Variants in CRHBP observed in about 807,000 individuals in gnomAD.
The protein encoded by CRHBP is corticotropin releasing hormone binding protein.
In CRHBP, 19 loss-of-function variants were observed where a neutral mutation model predicts 34.9. The ratio of observed to expected loss-of-function variants is 0.55; its 90% CI spans 0.38 to 0.80. The LOEUF (loss-of-function observed/expected upper bound fraction) is 0.80, where lower values mean the gene tolerates loss of function less well. Among genes scored for constraint, CRHBP ranks in the 30% least tolerant of loss-of-function variants. The pLI is 0.00. For synonymous variants in CRHBP, 154 were observed against 153.4 expected (o/e 1.00, Z -0.03); for missense variants, 328 against 409.2 (o/e 0.80, Z 1.71).
intron 3 of CRHBP, among the ~76,000 whole-genome samples, 172 bp from the exon 4 acceptor site, chr5:76,955,481 C>T (rs562277083): frequency 6.6e-6 from 1 of 152,196 alleles, no homozygotes; most frequent in South Asian, 2.1e-4. Context: ...TGCAAACAAC[C>T]CTCACCATCC....
intron 3 of CRHBP, chr5:76,980,893 T>C (rs571226593): frequency 2.6e-5 from 4 of 152,344 alleles, no homozygotes; most frequent in Non-Finnish European, 5.9e-5. Context: ...AGCAAAGCTG[T>C]TGCAAAATCT....
At chr5:76,975,009 AT>A (rs1339299536) in intron 2 of CRHBP, among the ~76,000 whole-genome samples, 1 of 152,270 alleles carries the variant, frequency 6.6e-6, no homozygotes, top group African/African-American at 2.4e-5. Context: ...GAAAGATTTC[AT>A]GTCAACATTA....
downstream of CRHBP, among the ~76,000 whole-genome samples, chr5:76,973,916 G>A (rs1029680431): frequency 6.6e-6 from 1 of 151,918 alleles, no homozygotes; most frequent in East Asian, 1.9e-4. Context: ...CGATTCTCCC[G>A]CCTCAGCCTC....
intron 2 of CRHBP, among the ~76,000 whole-genome samples, chr5:76,975,906 GTATA>G (rs1305686612): frequency 7.9e-6 from 1 of 126,460 alleles, no homozygotes. Context: ...ATATATGTGT[GTATA>G]TATATGTGTA....
At chr5:76,965,950 G>A (rs1008752643) in intron 6 of CRHBP, among the ~76,000 whole-genome samples, 2 of 152,210 alleles carry the variant, frequency 1.3e-5, no homozygotes, top group Admixed American at 6.5e-5. Flanking sequence ...AAAGCACTCC[G>A]CAGGGTGGGA....
At chr5:76,979,505 C>T (rs533164552) in intron 3 of CRHBP, among the ~76,000 whole-genome samples, 10 of 152,058 alleles carry the variant, frequency 6.6e-5, no homozygotes, top group African/African-American at 1.2e-4. Context: ...CACGTGCCAC[C>T]GCACCCAGCT....
intron 1 of CRHBP, 178 bp downstream of exon 1, chr5:76,953,393 A>AGTGC: frequency 1.2e-6 from 1 of 818,644 alleles, no homozygotes; most frequent in South Asian, 1.6e-5. Flanking sequence ...AGCATCCCAG[A>AGTGC]CTGCCTGCCT....
chr5:76,965,493 C>CT (rs888501765), intron 6 of CRHBP, among the ~76,000 whole-genome samples: 1 of 152,148 alleles, frequency 6.6e-6, no homozygotes, highest in Non-Finnish European at 1.5e-5. Context: ...CTTCTTTAGC[C>CT]TTTTGGGTGC....
chr5:76,968,143 T>C lies in CRHBP; in HGVS notation c.812-585T>C, dbSNP rs1416596380. Among the ~76,000 whole-genome samples, 5 of 151,930 alleles carry C rather than the reference T, an allele frequency of 3.3e-5. No homozygotes were observed. The East Asian group carries it at 7.7e-4, about 23-fold the overall frequency. ...GTCTATACGATGCAAATGATCTTTTTGTTTATGTATAAAACAGTTTTTGTA... is the reference window on the plus strand; with the variant it reads ...GTCTATACGATGCAAATGATCTTTTCGTTTATGTATAAAACAGTTTTTGTA... On this transcript the variant is annotated intron_variant, in intron 6 of 6. Coordinates refer to ENST00000274368, the MANE Select transcript of CRHBP (RefSeq NM_001882.4).
Position 76,955,722 on chromosome 5 carries a change from G to A in CRHBP, c.403G>A (p.Glu135Lys), listed in dbSNP as rs768709074. 4.3e-6 allele frequency: 7 copies of A among 1,614,070 alleles called. No individual in the cohort carries two copies. The highest frequency in any genetic ancestry group is 1.3e-5 in the African/African-American group (1 of 74,912). ...CCAGGATCATCCTCTCCCCTCAGCT[G>A]AGCGGTACATAGATTTCTGTGAGAG... is the stretch of plus-strand genomic sequence containing the variant. ...SSQDHPLPSA[E>K]RYIDFCESGL... is the part of the protein sequence containing the mutation. Residue 135 changes from glutamate (E) to lysine (K), a missense_variant, in exon 4 of 7, where the codon GAG becomes AAG. Glu to Lys is a moderately conservative substitution (Grantham distance 56, BLOSUM62 1). This residue lies in a region of CRHBP where 173 missense variants were observed against 172.2 expected (regional missense o/e 1.00). Coordinates refer to ENST00000274368, the MANE Select transcript of CRHBP (RefSeq NM_001882.4).
At chr5:76,977,271 G>A (rs1038071841) in intron 3 of CRHBP, among the ~76,000 whole-genome samples, 3 of 152,174 alleles carry the variant, frequency 2.0e-5, no homozygotes, top group Non-Finnish European at 2.9e-5. Context: ...TATTGAATAC[G>A]AAGTACAGGC....
chr5:76,973,226 G>A (rs528144786), downstream of CRHBP, among the ~76,000 whole-genome samples: 45 of 152,150 alleles, frequency 3.0e-4, no homozygotes, highest in African/African-American at 9.4e-4. Context: ...GTCTGTTTTC[G>A]TTGCAACTAT....
downstream of CRHBP, among the ~76,000 whole-genome samples, chr5:76,969,931 ATTCTTTTTT>A: frequency 9.5e-6 from 1 of 105,040 alleles, no homozygotes; most frequent in South Asian, 3.0e-4. Flanking sequence ...TACAAAGAAA[ATTCTTTTTT>A]TTTTTTTTTT....
rs1175538368 is a variant in CRHBP at position 76,958,864 on chromosome 5, G to A, written c.668G>A (p.Gly223Glu). Residue 223 changes from glycine (G) to glutamate (E), a missense_variant, in exon 5 of 7, where the codon GGA becomes GAA. Gly to Glu is a moderately conservative substitution (Grantham distance 98, BLOSUM62 -2). Around this residue, in one of 3 missense-constraint regions of CRHBP, gnomAD observed 144 missense variants for 216.7 expected, o/e 0.66. Transcript: ENST00000274368. Reference protein sequence around the residue: ...VVIKISDLTLGHVNGLQLKKS... With the variant: ...VVIKISDLTLEHVNGLQLKKS... ...ATCAAAATATCTGATCTTACCCTGG[G>A]ACACGTAAATGGTCTTCAGTTAAAG... 1.7e-5 allele frequency: 27 copies of A among 1,613,982 alleles called. No homozygotes were observed. The highest frequency in any genetic ancestry group is 2.1e-5 in the Non-Finnish European group (25 of 1,179,976).
chr5:76,980,726 G>A (rs1005554686), intron 3 of CRHBP, among the ~76,000 whole-genome samples: 1 of 152,176 alleles, frequency 6.6e-6, no homozygotes, highest in Non-Finnish European at 1.5e-5. Context: ...ATCAGCTGAA[G>A]GCCTTATATG....
chr5:76,975,592 C>G (rs1342000228), intron 2 of CRHBP, among the ~76,000 whole-genome samples: 7 of 151,260 alleles, frequency 4.6e-5, no homozygotes, highest in Admixed American at 4.6e-4. Flanking sequence ...TACTTAAGGC[C>G]AGGAGTTCGA....
rs143045200 is a variant in CRHBP at position 76,962,091 on chromosome 5, T to G, written c.694-1252T>G. ...ATGCCTGAATGTGTGTGCTTATGTGTGTGTGTGGGTGTGTGTGTGTATTAA... is the reference window on the plus strand; with the variant it reads ...ATGCCTGAATGTGTGTGCTTATGTGGGTGTGTGGGTGTGTGTGTGTATTAA... On this transcript the variant is annotated intron_variant, in intron 5 of 6. Coordinates refer to ENST00000274368, the MANE Select transcript of CRHBP (RefSeq NM_001882.4). Among the ~76,000 whole-genome samples, 701 of 152,210 alleles carry G rather than the reference T, an allele frequency of 4.6e-3. 7 individuals carry two copies. Among genetic ancestry groups the G allele is most frequent in the African/African-American group, 0.016 (666 of 41,544 alleles).
chr5:76,956,200 G>C (rs1387163415), intron 4 of CRHBP, among the ~76,000 whole-genome samples: 1 of 152,154 alleles, frequency 6.6e-6, no homozygotes, highest in Non-Finnish European at 1.5e-5. Flanking sequence ...ATAAGCTTGA[G>C]TGATCAGATA....
chr5:76,979,639 G>A (rs535689987), intron 3 of CRHBP, among the ~76,000 whole-genome samples: 2 of 152,124 alleles, frequency 1.3e-5, no homozygotes, highest in South Asian at 2.1e-4. Context: ...GTGAGACACC[G>A]TGCCCAACCA....
Sources: allele counts gnomAD v4.1 joint callset (sites outside exome capture counted in the v4.1 genomes callset), GRCh38; gene constraint gnomAD v4.1.1; regional missense constraint gnomAD v4.1.1; transcripts MANE v1.5; gene names NCBI Gene and HGNC (gene_info 2026-07-23, HGNC 2026-07-21).